ANAPC7: variants seen among roughly 807,000 people sequenced by gnomAD.
The protein encoded by ANAPC7 is anaphase promoting complex subunit 7.
ANAPC7 carries 25 observed loss-of-function variants against 63.3 expected under a neutral mutation model. That is an observed-to-expected ratio of 0.39 (90% CI 0.29 to 0.55). The LOEUF is 0.55. Among genes scored for constraint, ANAPC7 ranks in the 20% least tolerant of loss-of-function variants. The pLI is 0.57. For synonymous variants in ANAPC7, 241 were observed against 251.7 expected (o/e 0.96, Z 0.40); for missense variants, 516 against 691.7 (o/e 0.75, Z 2.85).
intron 8 of ANAPC7, among the ~76,000 whole-genome samples, chr12:110,381,393 G>A (rs1881831207): frequency 6.6e-6 from 1 of 152,108 alleles, no homozygotes; most frequent in Non-Finnish European, 1.5e-5. Context: ...CTGGAGTGCA[G>A]TGGCGCAATC....
chr12:110,400,716 G>A (rs531446106), intron 1 of ANAPC7, among the ~76,000 whole-genome samples: 1 of 152,070 alleles, frequency 6.6e-6, no homozygotes, highest in South Asian at 2.1e-4. Context: ...TGAAGTGGAT[G>A]GTGGCAAAAT....
At chr12:110,374,578 A>T (rs181758785) in intron 10 of ANAPC7, among the ~76,000 whole-genome samples, 195 of 152,282 alleles carry the variant, frequency 1.3e-3, no homozygotes, top group African/African-American at 4.5e-3. Context: ...CAAATTTCTT[A>T]AACTTTTTCA....
In ANAPC7 at chr12:110,373,905, G is replaced by T; in HGVS notation, c.*239C>A. ...AGCCCCAACATGTGCGTGGGTCTCG[G>T]GGCACTCCCTCAGTCCTCCCTGGCT... On this transcript the variant is annotated 3_prime_UTR_variant, in exon 11 of 11. Coordinates refer to ENST00000455511, the MANE Select transcript of ANAPC7 (RefSeq NM_016238.3). The T allele has an allele frequency of 2.3e-6, 1 of 439,266 alleles. No homozygotes were observed. Among genetic ancestry groups the T allele is most frequent in the Non-Finnish European group, 3.9e-6 (1 of 253,338 alleles). The allele number at this position is 439,266 out of a possible 1,614,324, so 27.2% of individuals were successfully genotyped here.
At chr12:110,395,894 T>G (rs562224300) in intron 2 of ANAPC7, among the ~76,000 whole-genome samples, 1 of 152,288 alleles carries the variant, frequency 6.6e-6, no homozygotes, top group Non-Finnish European at 1.5e-5. Flanking sequence ...GTCCCCAACC[T>G]TTTTGGCACC....
chr12:110,394,700 G>C (rs1883417565), intron 3 of ANAPC7, among the ~76,000 whole-genome samples: 1 of 108,354 alleles, frequency 9.2e-6, no homozygotes, highest in South Asian at 2.6e-4. Context: ...AAAAAAATTA[G>C]CTGGGTGTGG....
chr12:110,399,059 C>T (rs533229323), intron 1 of ANAPC7, among the ~76,000 whole-genome samples: 166 of 146,364 alleles, frequency 1.1e-3, no homozygotes, highest in African/African-American at 3.9e-3. Flanking sequence ...CTTACTCTGT[C>T]GCCCAGGCTA....
chr12:110,384,684 A>AC (rs1882291664), intron 6 of ANAPC7, among the ~76,000 whole-genome samples: 1 of 128,390 alleles, frequency 7.8e-6, no homozygotes, highest in African/African-American at 2.9e-5. Flanking sequence ...ACAAAAAAAA[A>AC]ACAAAAAAAA....
chr12:110,383,875 C>CAAAAAAAAAAAAAAAAAAAAAAA (rs1159374781), intron 6 of ANAPC7, among the ~76,000 whole-genome samples: 34 of 50,664 alleles, frequency 6.7e-4, no homozygotes, highest in Admixed American at 1.2e-3. Flanking sequence ...GACTCCGTCT[C>CAAAAAAAAAAAAAAAAAAAAAAA]AAAAAAAAAA....
At chr12:110,377,741 C>A in intron 8 of ANAPC7, 124 bp from the exon 9 acceptor site, 1 of 1,513,660 alleles carries the variant, frequency 6.6e-7, no homozygotes, top group Non-Finnish European at 8.9e-7. Context: ...CCACGGGAAA[C>A]TGATGGTGAG....
rs374088588 is a variant in ANAPC7, at chr12:110,402,309, A to C, written c.101+1218T>G. 2.6e-4 allele frequency among the ~76,000 whole-genome samples: 40 copies of C among 152,256 alleles called. No homozygotes were observed. The East Asian group carries it at 7.1e-3, about 27-fold the overall frequency. ...TTTGCCTTCAGAGGCCATGGGAAAGAATTTTCATAAGTGCAATAAAGGATT... is the reference window on the plus strand; with the variant it reads ...TTTGCCTTCAGAGGCCATGGGAAAGCATTTTCATAAGTGCAATAAAGGATT... On this transcript the variant is annotated intron_variant, in intron 1 of 10. Transcript: ENST00000455511.
At chr12:110,395,062 G>A in intron 3 of ANAPC7, 39 bp downstream of exon 3, 1 of 1,600,212 alleles carries the variant, frequency 6.2e-7, no homozygotes, top group Non-Finnish European at 8.5e-7. Context: ...AGCAGGGTTA[G>A]GAGAGCTGAG....
Position 110,387,755 on chromosome 12 carries a change from C to T in ANAPC7, c.658G>A (p.Ala220Thr). The part of the protein sequence containing the change: ...AFVHTGDNSR[A>T]ISTICSLEKK... ...GGCTCTCACCAGATGGTACTGATTGCTCTTGAGTTGTCACCAGTGTGCACA... is the reference window on the plus strand; with the variant it reads ...GGCTCTCACCAGATGGTACTGATTGTTCTTGAGTTGTCACCAGTGTGCACA... Residue 220 changes from alanine to threonine, a missense_variant, in exon 5 of 11, where the codon GCA (alanine) becomes ACA (threonine). By Grantham distance (58) the Ala-to-Thr change is moderately conservative (BLOSUM62 0). Transcript: ENST00000455511. 1 of 1,613,708 alleles carries T rather than the reference C, an allele frequency of 6.2e-7. No individual in the cohort carries two copies. The highest frequency in any genetic ancestry group is 8.5e-7 in the Non-Finnish European group (1 of 1,179,654).
At chr12:110,398,244 CA>C (rs1009765323) in intron 1 of ANAPC7, among the ~76,000 whole-genome samples, 5 of 150,250 alleles carry the variant, frequency 3.3e-5, no homozygotes, top group Admixed American at 2.7e-4. Flanking sequence ...AACTCTGTCT[CA>C]AAAAAAAAGA....
rs1555290330 is a variant in ANAPC7 at position 110,386,327 on chromosome 12, C to T, written c.817G>A (p.Gly273Arg). The T allele has an allele frequency of 6.2e-6, 10 of 1,613,766 alleles. No individual in the cohort carries two copies. Among genetic ancestry groups the T allele is most frequent in the Middle Eastern group, 1.6e-4 (1 of 6,082 alleles). The change falls in exon 6 of 11, where the codon GGA becomes AGA. Residue 273 changes from glycine to arginine, a missense_variant and splice_region_variant. By Grantham distance (125) the Gly-to-Arg change is moderately radical. This residue lies in a region of ANAPC7 where 199 missense variants were observed against 249.3 expected (regional missense o/e 0.80). Transcript: ENST00000455511. ...AQMLDPYLIK[G>R]MDVYGYLLAR... ...TCTTCCTGCCCCAAGAATTACTTAC[C>T]TTTTATCAGATAAGGATCCAACATC...
chr12:110,382,461 AAT>A (rs66967302), intron 7 of ANAPC7, among the ~76,000 whole-genome samples: 1,717 of 30,846 alleles, frequency 0.056, 71 homozygotes, highest in Non-Finnish European at 0.079. Context: ...AAAAAAAAAA[AAT>A]ATATATATAT....
At chr12:110,380,752 A>G (rs1333215369) in intron 8 of ANAPC7, among the ~76,000 whole-genome samples, 3 of 151,648 alleles carry the variant, frequency 2.0e-5, no homozygotes, top group African/African-American at 7.3e-5. Context: ...CAGAAGATTG[A>G]GACCATCCTG....
At position 110,387,907 on chromosome 12, in the gene ANAPC7, A is replaced by T. The variant is rs1400414281; in HGVS notation, c.521-15T>A. On this transcript the variant is annotated splice_polypyrimidine_tract_variant and intron_variant, in intron 4 of 10. Transcript: ENST00000455511. ...GGACAACAAGCCTAAACCAACAGAAAGCAGAAGAAAGAAAGTAAGGCACGA... is the reference window on the plus strand; with the variant it reads ...GGACAACAAGCCTAAACCAACAGAATGCAGAAGAAAGAAAGTAAGGCACGA... The T allele has an allele frequency of 1.2e-6, 2 of 1,611,304 alleles. No individual in the cohort carries two copies. The highest frequency in any genetic ancestry group is 8.5e-7 in the Non-Finnish European group (1 of 1,177,970).
intron 8 of ANAPC7, chr12:110,377,870 C>T: frequency 7.5e-7 from 1 of 1,339,354 alleles, no homozygotes; most frequent in Non-Finnish European, 9.7e-7. Flanking sequence ...GAAACAAGCA[C>T]ATGTAAGGAA....
Position 110,387,779 on chromosome 12 carries a change from C to T in ANAPC7, c.634G>A (p.Val212Met), listed in dbSNP as rs1227270080. Reference protein sequence around the residue: ...LSVWIKAYAFVHTGDNSRAIS... With the variant: ...LSVWIKAYAFMHTGDNSRAIS... The stretch of plus-strand genomic sequence containing the variant: ...GCTCTTGAGTTGTCACCAGTGTGCA[C>T]AAAAGCATACGCTTTGATCCACACA... Residue 212 changes from valine to methionine, a missense_variant, in exon 5 of 11, where the codon GTG (valine) becomes ATG (methionine). Physicochemically the swap from Val to Met is conservative, Grantham distance 21. Around this residue, in one of 4 missense-constraint regions of ANAPC7, gnomAD observed 199 missense variants for 249.3 expected, o/e 0.80. Coordinates refer to ENST00000455511, the MANE Select transcript of ANAPC7 (RefSeq NM_016238.3). 5 of 1,613,912 alleles carry T rather than the reference C, an allele frequency of 3.1e-6. No individual in the cohort carries two copies. In the East Asian group the frequency reaches 8.9e-5, roughly 29 times the overall value.
Sources: gnomAD v4.1 joint callset for allele counts (sites outside exome capture counted in the v4.1 genomes callset) on GRCh38, gnomAD v4.1.1 for gene constraint, gnomAD v4.1.1 regional missense constraint, MANE v1.5 for transcripts, NCBI Gene and HGNC (gene_info 2026-07-23, HGNC 2026-07-21) for gene names.